The following NRDE2 variants were observed in gnomAD, a reference collection of about 807,000 sequenced individuals.
NRDE2 encodes NRDE-2, necessary for RNA interference, domain containing.
NRDE2 carries 76 observed loss-of-function variants against 124.2 expected under a neutral mutation model. The observed-to-expected ratio is 0.61, with a 90% CI of 0.51 to 0.74. NRDE2 has a LOEUF of 0.74. NRDE2 is among the 30% of genes least tolerant of loss of function. The pLI, the probability that NRDE2 is intolerant of heterozygous loss-of-function variation, is 0.00. For synonymous variants in NRDE2, 489 were observed against 528.1 expected (o/e 0.93, Z 1.01); for missense variants, 1,314 against 1,417.3 (o/e 0.93, Z 1.17).
Position 90,270,448 on chromosome 14 carries a change from G to C in NRDE2, c.*7888C>G. On this transcript the variant is annotated 3_prime_UTR_variant, in exon 14 of 14. Transcript: ENST00000354366. The stretch of plus-strand genomic sequence containing the variant: ...CTTGGGATGGTGGTTGGCCTGGACA[G>C]GTGGGTGTCTGTATTTTAATCATCA... 7.5e-7 allele frequency: 1 copy of C among 1,341,568 alleles called. No individual in the cohort carries two copies. The highest frequency in any genetic ancestry group is 1.0e-6 in the Non-Finnish European group (1 of 1,002,372). 83.1% of individuals were successfully genotyped at this position (1,341,568 alleles called of 1,614,324 possible).
At chr14:90,287,159 T>C (rs1384707890) in intron 11 of NRDE2, among the ~76,000 whole-genome samples, 7 of 146,712 alleles carry the variant, frequency 4.8e-5, no homozygotes, top group Admixed American at 2.8e-4. Context: ...AAGGCTCACA[T>C]AGAGTGAACA....
intron 4 of NRDE2, among the ~76,000 whole-genome samples, chr14:90,305,136 T>C (rs955294417): frequency 6.6e-6 from 1 of 151,570 alleles, no homozygotes; most frequent in Non-Finnish European, 1.5e-5. Flanking sequence ...AAAGAAGACA[T>C]GAATAGCCAA....
chr14:90,302,080 T>C (rs1884425790), intron 6 of NRDE2, among the ~76,000 whole-genome samples: 1 of 152,232 alleles, frequency 6.6e-6, no homozygotes, highest in Non-Finnish European at 1.5e-5. Context: ...TTATCTCGTT[T>C]ACTGTGCAAC....
In NRDE2 at chr14:90,272,050, C is replaced by T; in HGVS notation, c.*6286G>A. ...TAGGATTACAGGTGCCTGCCACCGTCCCTGGCTAACTTTTTGTATTTTTAG... is the reference window on the plus strand; with the variant it reads ...TAGGATTACAGGTGCCTGCCACCGTTCCTGGCTAACTTTTTGTATTTTTAG... On this transcript the variant is annotated 3_prime_UTR_variant, in exon 14 of 14. Coordinates refer to ENST00000354366, the MANE Select transcript of NRDE2 (RefSeq NM_017970.4). This position sits in a 1 kb window ranked among gnomAD's most constrained non-coding sequence, Gnocchi z 4.5. 1 of 358,372 alleles carries T rather than the reference C, an allele frequency of 2.8e-6. No individual in the cohort carries two copies. Among genetic ancestry groups the T allele is most frequent in the Admixed American group, 4.9e-5 (1 of 20,546 alleles). The allele number at this position is 358,372 out of a possible 1,614,324, so 22.2% of individuals were successfully genotyped here.
At chr14:90,328,281 G>A (rs1174120177) in intron 1 of NRDE2, among the ~76,000 whole-genome samples, 1 of 148,280 alleles carries the variant, frequency 6.7e-6, no homozygotes, top group East Asian at 2.0e-4. Context: ...ACTCCAGCCT[G>A]GGCGACAGCT....
intron 6 of NRDE2, among the ~76,000 whole-genome samples, chr14:90,301,600 TAAC>T (rs1395219692): frequency 1.3e-5 from 2 of 152,188 alleles, no homozygotes; most frequent in Non-Finnish European, 2.9e-5. Context: ...ACACAAATAT[TAAC>T]AACAAAAACT....
intron 8 of NRDE2, 125 bp from the exon 9 acceptor site, chr14:90,292,997 C>A: frequency 1.2e-6 from 1 of 812,506 alleles, no homozygotes. Context: ...CCATGCCAGT[C>A]TCCCAGGATA....
intron 3 of NRDE2, among the ~76,000 whole-genome samples, chr14:90,314,535 A>G (rs903914329): frequency 6.6e-6 from 1 of 152,230 alleles, no homozygotes; most frequent in African/African-American, 2.4e-5. Flanking sequence ...GAAATTAACT[A>G]TCCTTCAAGT....
chr14:90,312,300 G>T, intron 4 of NRDE2, 94 bp downstream of exon 4: 3 of 1,191,714 alleles, frequency 2.5e-6, no homozygotes, highest in South Asian at 1.3e-5. Context: ...ACTGATGAAA[G>T]AGAGAAACAG....
Position 90,290,359 on chromosome 14 carries a change from G to C in NRDE2, c.2091C>G (p.Gly697=). Residue 697 remains glycine, a synonymous_variant, in exon 10 of 14, where the codon GGC becomes GGG. Coordinates refer to ENST00000354366, the MANE Select transcript of NRDE2 (RefSeq NM_017970.4). ...ASCVGRMDRL[G]YPRWTRGQNR... is the part of the protein sequence containing the mutation. ...TCTGACCCCTGGTCCAGCGAGGATA[G>C]CCCAACCTATCCATGCGGCCAACAC... 6.2e-7 allele frequency: 1 copy of C among 1,614,130 alleles called. No homozygotes were observed. Among genetic ancestry groups the C allele is most frequent in the Non-Finnish European group, 8.5e-7 (1 of 1,180,038 alleles).
intron 6 of NRDE2, chr14:90,301,776 G>A (rs1884410453): frequency 2.2e-6 from 1 of 456,312 alleles, no homozygotes; most frequent in Non-Finnish European, 4.4e-6. Flanking sequence ...TTACTCACCA[G>A]CAACTTTCAT....
At chr14:90,290,055 C>T (rs912481783) in intron 10 of NRDE2, among the ~76,000 whole-genome samples, 166 bp downstream of exon 10, 9 of 152,154 alleles carry the variant, frequency 5.9e-5, no homozygotes, top group South Asian at 2.1e-4. Context: ...CTCTTCACTG[C>T]GGACCCTCAG....
At chr14:90,319,424 A>G (rs1885163631) in intron 1 of NRDE2, among the ~76,000 whole-genome samples, 1 of 152,172 alleles carries the variant, frequency 6.6e-6, no homozygotes, top group Non-Finnish European at 1.5e-5. Flanking sequence ...TCATAACTTT[A>G]GAACATTTTC....
At chr14:90,312,602 C>T in intron 3 of NRDE2, 59 bp from the exon 4 acceptor site, 10 of 1,578,868 alleles carry the variant, frequency 6.3e-6, no homozygotes, top group Non-Finnish European at 8.7e-6. Flanking sequence ...TCCAGTGACG[C>T]AGGTGGCATT....
At chr14:90,331,055 G>A (rs1459192548) in intron 1 of NRDE2, among the ~76,000 whole-genome samples, 1 of 151,860 alleles carries the variant, frequency 6.6e-6, no homozygotes, top group Non-Finnish European at 1.5e-5. Flanking sequence ...GCCTCCTGAG[G>A]AGCTGATACT....
At chr14:90,331,727 A>T in intron 1 of NRDE2, 114 bp downstream of exon 1, 1 of 1,197,718 alleles carries the variant, frequency 8.3e-7, no homozygotes, top group South Asian at 1.2e-5. Flanking sequence ...AGCGCCGCGG[A>T]GAACTCTGGG....
chr14:90,301,006 G>A lies in NRDE2; in HGVS notation c.1545+233C>T, dbSNP rs541993268. On this transcript the variant is annotated intron_variant, in intron 7 of 13. Transcript: ENST00000354366. ...CCTTTATGTTGTGAAGGAGGGGGAA[G>A]CTTCTTTACCTATCCACATCTCACC... Among the ~76,000 whole-genome samples the A allele has an allele frequency of 4.0e-5, 6 of 149,386 alleles. No individual in the cohort carries two copies. The South Asian group carries it at 1.1e-3, about 27-fold the overall frequency.
At chr14:90,300,400 C>T (rs1288686365) in intron 7 of NRDE2, among the ~76,000 whole-genome samples, 1 of 152,190 alleles carries the variant, frequency 6.6e-6, no homozygotes, top group Admixed American at 6.5e-5. Flanking sequence ...GAAACTCCCA[C>T]ATGACGGAGG....
At chr14:90,279,281 A>C in intron 12 of NRDE2, 148 bp from the exon 13 acceptor site, 1 of 654,474 alleles carries the variant, frequency 1.5e-6, no homozygotes. Flanking sequence ...TGGCTGTGGG[A>C]CAGGGGCAGG....
Sources: allele counts gnomAD v4.1 joint callset (sites outside exome capture counted in the v4.1 genomes callset), GRCh38; gene constraint gnomAD v4.1.1; non-coding constraint Gnocchi (gnomAD v3.1); transcripts MANE v1.5; gene names NCBI Gene and HGNC (gene_info 2026-07-23, HGNC 2026-07-21).